Variants in VAT1L observed in about 807,000 individuals in gnomAD.
VAT1L encodes vesicle amine transport 1 like.
Under a neutral mutation model 44.1 loss-of-function variants are expected in VAT1L, and 34 were observed. The observed-to-expected ratio is 0.77, with a 90% CI of 0.59 to 1.03. The LOEUF is 1.03. Among genes scored for constraint, VAT1L ranks in the 50% least tolerant of loss-of-function variants. VAT1L has a pLI of 0.00. For synonymous variants in VAT1L, 253 were observed against 202.2 expected, an observed-to-expected ratio of 1.25 and a Z score of -2.13; for missense variants, 615 against 538.8, an observed-to-expected ratio of 1.14 and a Z score of -1.40.
At chr16:77,962,531 C>T (rs1436342788) in intron 7 of VAT1L, among the ~76,000 whole-genome samples, 1 of 151,906 alleles carries the variant, frequency 6.6e-6, no homozygotes, top group African/African-American at 2.4e-5. Context: ...AGTTGGAGTC[C>T]CCCTTTTATT....
At chr16:77,930,701 TTCAG>T (rs2017721822) in intron 7 of VAT1L, among the ~76,000 whole-genome samples, 1 of 152,112 alleles carries the variant, frequency 6.6e-6, no homozygotes, top group African/African-American at 2.4e-5. Context: ...TAAGAAAACC[TTCAG>T]TCTTCTTCCC....
At chr16:77,963,573 A>G (rs2018187752) in intron 7 of VAT1L, among the ~76,000 whole-genome samples, 1 of 152,076 alleles carries the variant, frequency 6.6e-6, no homozygotes, top group South Asian at 2.1e-4. Context: ...CATCTGTTAC[A>G]GTAATAATAG....
At chr16:77,969,098 C>T (rs773829151) in intron 7 of VAT1L, among the ~76,000 whole-genome samples, 9 of 152,150 alleles carry the variant, frequency 5.9e-5, no homozygotes, top group African/African-American at 1.2e-4. Context: ...GGATTACAAG[C>T]GTGAGCCACT....
At chr16:77,928,817 C>T (rs1467395692) in intron 7 of VAT1L, among the ~76,000 whole-genome samples, 8 of 151,428 alleles carry the variant, frequency 5.3e-5, no homozygotes, top group Middle Eastern at 3.2e-3. Flanking sequence ...GCTCTATTTT[C>T]GTTTGTTTGT....
chr16:77,964,071 G>A (rs1462198947), intron 7 of VAT1L, among the ~76,000 whole-genome samples: 1 of 151,986 alleles, frequency 6.6e-6, no homozygotes, highest in Non-Finnish European at 1.5e-5. Flanking sequence ...CCACCACTCT[G>A]GCCTCCTCTT....
intron 1 of VAT1L, among the ~76,000 whole-genome samples, chr16:77,792,189 C>T (rs1386767584): frequency 1.3e-5 from 2 of 152,130 alleles, no homozygotes; most frequent in East Asian, 1.9e-4. Context: ...TTGTGACTGT[C>T]GTTGTTGCCA....
intron 7 of VAT1L, among the ~76,000 whole-genome samples, chr16:77,933,765 C>T (rs1478509945): frequency 1.3e-5 from 2 of 152,104 alleles, no homozygotes; most frequent in East Asian, 1.9e-4. Flanking sequence ...TAAAAAACAA[C>T]AACAATAAGG....
At chr16:77,812,579 GATTA>G in intron 1 of VAT1L, among the ~76,000 whole-genome samples, 1 of 152,294 alleles carries the variant, frequency 6.6e-6, no homozygotes, top group South Asian at 2.1e-4. Flanking sequence ...TATTTAATGG[GATTA>G]ACGGTATCTG....
At chr16:77,968,542 G>A (rs1446088449) in intron 7 of VAT1L, among the ~76,000 whole-genome samples, 1 of 152,110 alleles carries the variant, frequency 6.6e-6, no homozygotes, top group Non-Finnish European at 1.5e-5. Context: ...TAGCTAACAA[G>A]GTGAAACCCC....
intron 7 of VAT1L, among the ~76,000 whole-genome samples, chr16:77,967,819 C>T (rs1328188969): frequency 1.3e-5 from 2 of 152,146 alleles, no homozygotes; most frequent in Non-Finnish European, 2.9e-5. Context: ...TGATAAATAA[C>T]TGAATGCTGG....
chr16:77,975,037 G>C (rs932113547), intron 8 of VAT1L, among the ~76,000 whole-genome samples: 1 of 151,994 alleles, frequency 6.6e-6, no homozygotes, highest in African/African-American at 2.4e-5. Context: ...TGGAGATGCA[G>C]GAGGGATCCA....
chr16:77,844,090 T>A (rs74857098), intron 3 of VAT1L, among the ~76,000 whole-genome samples: 3 of 152,098 alleles, frequency 2.0e-5, no homozygotes, highest in Non-Finnish European at 4.4e-5. Flanking sequence ...AGCAAATATA[T>A]ACACACACAC....
chr16:77,854,971 A>C (rs1168988489), intron 3 of VAT1L, among the ~76,000 whole-genome samples: 2 of 152,130 alleles, frequency 1.3e-5, no homozygotes, highest in Non-Finnish European at 2.9e-5. Flanking sequence ...GGCCCAGCTA[A>C]ATAACTAGTC....
intron 7 of VAT1L, among the ~76,000 whole-genome samples, chr16:77,950,168 G>A (rs1328116523): frequency 6.6e-6 from 1 of 152,144 alleles, no homozygotes; most frequent in Non-Finnish European, 1.5e-5. Flanking sequence ...CAGCATTTTG[G>A]GAGGCCAAGG....
chr16:77,937,688 T>C (rs1370243963), intron 7 of VAT1L, among the ~76,000 whole-genome samples: 5 of 152,246 alleles, frequency 3.3e-5, no homozygotes, highest in Non-Finnish European at 7.3e-5. Context: ...TCCCAGTGAA[T>C]AGGCCAGTTG....
chr16:77,859,635 G>A (rs999659445), intron 3 of VAT1L, among the ~76,000 whole-genome samples: 1 of 152,214 alleles, frequency 6.6e-6, no homozygotes, highest in African/African-American at 2.4e-5. Flanking sequence ...TCAGGTGGAG[G>A]AGTGTTGTCA....
chr16:77,894,637 G>T (rs556968800), intron 7 of VAT1L, among the ~76,000 whole-genome samples: 23 of 152,270 alleles, frequency 1.5e-4, no homozygotes, highest in African/African-American at 5.3e-4. Flanking sequence ...ATTAATGGTA[G>T]TGATAATTTC....
At chr16:77,903,470 G>A (rs1034682756) in intron 7 of VAT1L, among the ~76,000 whole-genome samples, 6 of 152,004 alleles carry the variant, frequency 3.9e-5, no homozygotes, top group Admixed American at 1.3e-4. Flanking sequence ...ACCTATAATA[G>A]ATACTAAAAA....
chr16:77,899,971 T>C (rs73562849), intron 7 of VAT1L, among the ~76,000 whole-genome samples: 2,325 of 152,346 alleles, frequency 0.015, 43 homozygotes, highest in African/African-American at 0.053. Context: ...ATACTCCACA[T>C]GAGCATGTTT....
Sources: gnomAD v4.1 joint callset for allele counts (sites outside exome capture counted in the v4.1 genomes callset) on GRCh38, gnomAD v4.1.1 for gene constraint, MANE v1.5 for transcripts, NCBI Gene and HGNC (gene_info 2026-07-23, HGNC 2026-07-21) for gene names.